The following TERB1 variants were observed in gnomAD, a reference collection of about 807,000 sequenced individuals.
TERB1 encodes the protein telomere repeats-binding bouquet formation protein 1.
Under a neutral mutation model 92.3 loss-of-function variants are expected in TERB1, and 63 were observed. That is an observed-to-expected ratio of 0.68 (90% CI 0.56 to 0.84). The LOEUF is 0.84. TERB1 is among the 40% of genes least tolerant of loss of function. The pLI is 0.00. For synonymous variants in TERB1, 252 were observed against 283.9 expected (o/e 0.89, Z 1.13); for missense variants, 709 against 843.7 (o/e 0.84, Z 1.98).
intron 9 of TERB1, among the ~76,000 whole-genome samples, 186 bp from the exon 10 acceptor site, chr16:66,779,201 A>G (rs2018596825): frequency 6.6e-6 from 1 of 152,230 alleles, no homozygotes; most frequent in Non-Finnish European, 1.5e-5. Context: ...CTTATTATGT[A>G]TCTTACTTTG....
At chr16:66,791,329 G>A (rs1271826808) in intron 3 of TERB1, among the ~76,000 whole-genome samples, 1 of 151,840 alleles carries the variant, frequency 6.6e-6, no homozygotes, top group Non-Finnish European at 1.5e-5. Context: ...AAAAAAAGTG[G>A]ATAAAAATGA....
chr16:66,779,054 C>T (rs972951192), intron 9 of TERB1, 39 bp from the exon 10 acceptor site: 1 of 1,379,768 alleles, frequency 7.2e-7, no homozygotes, highest in African/African-American at 1.4e-5. Flanking sequence ...ATATTTCAAA[C>T]AAGACAGCTG....
At chr16:66,760,560 G>A (rs2018222725) in intron 16 of TERB1, among the ~76,000 whole-genome samples, 1 of 126,204 alleles carries the variant, frequency 7.9e-6, no homozygotes, top group Non-Finnish European at 1.6e-5. Flanking sequence ...GGCTGAGGCG[G>A]GCTGATCACA....
chr16:66,771,436 C>G (rs1206448418), intron 13 of TERB1, among the ~76,000 whole-genome samples: 1 of 152,080 alleles, frequency 6.6e-6, no homozygotes, highest in Non-Finnish European at 1.5e-5. Context: ...CTATTATTTT[C>G]TCCATTTATC....
intron 11 of TERB1, among the ~76,000 whole-genome samples, chr16:66,776,159 G>A (rs1044039693): frequency 4.0e-5 from 6 of 151,728 alleles, no homozygotes; most frequent in East Asian, 3.9e-4. Flanking sequence ...GAGAAACCCC[G>A]TCTCTACTAA....
rs1384046106 is a variant in TERB1 at position 66,786,234 on chromosome 16, C to T, written c.452G>A (p.Arg151Gln). The T allele has an allele frequency of 5.2e-6, 8 of 1,548,956 alleles. No individual in the cohort carries two copies. The highest frequency in any genetic ancestry group is 3.9e-5 in the Admixed American group (2 of 50,804). Residue 151 changes from arginine to glutamine, a missense_variant, in exon 7 of 19, where the codon CGG (arginine) becomes CAG (glutamine). By Grantham distance (43) the Arg-to-Gln change is conservative. Coordinates refer to ENST00000433154, the MANE Select transcript of TERB1 (RefSeq NM_001136505.2). ...ATTTGTATTTGTTTACCTGAATAAC[C>T]GTGACAGAACTGTAATACAACCTGT... ...RETGCITVLS[R>Q]LFRTVISKHE...
intron 16 of TERB1, 55 bp from the exon 17 acceptor site, chr16:66,759,345 AATCT>A (rs2018191320): frequency 7.5e-7 from 1 of 1,338,800 alleles, no homozygotes. Flanking sequence ...TCTAGTAACA[AATCT>A]ATGATAGCAA....
chr16:66,785,417 G>A (rs2099438473), intron 9 of TERB1, among the ~76,000 whole-genome samples: 1 of 152,076 alleles, frequency 6.6e-6, no homozygotes, highest in South Asian at 2.1e-4. Flanking sequence ...TTGACTCACA[G>A]ATTTTAGTAC....
intron 12 of TERB1, among the ~76,000 whole-genome samples, chr16:66,773,981 G>A (rs1224183706): frequency 1.3e-5 from 2 of 151,976 alleles, no homozygotes; most frequent in Non-Finnish European, 2.9e-5. Context: ...CCTGGTTCAA[G>A]TAATTCTTCT....
At chr16:66,790,858 A>G in intron 4 of TERB1, 51 bp downstream of exon 4, 1 of 1,406,010 alleles carries the variant, frequency 7.1e-7, no homozygotes, top group Non-Finnish European at 9.8e-7. Context: ...TTGATATATC[A>G]GAGTACTAAA....
chr16:66,785,532 T>G (rs570908224), intron 9 of TERB1, among the ~76,000 whole-genome samples: 1 of 152,326 alleles, frequency 6.6e-6, no homozygotes, highest in East Asian at 1.9e-4. Context: ...TATGGGTTTT[T>G]AGTCTTGCTA....
upstream of TERB1, among the ~76,000 whole-genome samples, chr16:66,801,828 CTG>C (rs1375888477): frequency 1.3e-5 from 2 of 152,252 alleles, no homozygotes; most frequent in African/African-American, 4.8e-5. Context: ...AATTAGGGGA[CTG>C]TGCACGCGGT....
At chr16:66,761,778 G>A (rs2145070994) in intron 16 of TERB1, among the ~76,000 whole-genome samples, 1 of 148,142 alleles carries the variant, frequency 6.8e-6, no homozygotes, top group Non-Finnish European at 1.5e-5. Flanking sequence ...GTCTCAAAAA[G>A]AAAAGACAGC....
In TERB1 at chr16:66,779,394, C is replaced by T. The variant is rs181404137; in HGVS notation, c.701-379G>A. 4.6e-5 allele frequency among the ~76,000 whole-genome samples: 7 copies of T among 152,206 alleles called. No homozygotes were observed. The East Asian group carries it at 1.4e-3, about 29-fold the overall frequency. On this transcript the variant is annotated intron_variant, in intron 9 of 18. Transcript: ENST00000433154. ...AGGCAGATTGCTTGAGTCAGGAGTT[C>T]AAGACCAGCCTGGCCAACATGCTGA...
intron 3 of TERB1, among the ~76,000 whole-genome samples, chr16:66,795,140 T>C (rs1336334623): frequency 6.6e-6 from 1 of 152,166 alleles, no homozygotes; most frequent in Admixed American, 6.5e-5. Context: ...CAATCTAAAG[T>C]GTGGAATGGA....
In TERB1 at chr16:66,779,020, A is replaced by C. The variant is rs540791662; in HGVS notation, c.701-5T>G. ...CGAAGTATTTCTGAACATATGCTTA[A>C]AGAATAAAGTAGCAAAACTATTAAT... On this transcript the variant is annotated splice_region_variant and splice_polypyrimidine_tract_variant and intron_variant, in intron 9 of 18. Transcript: ENST00000433154. 6.8e-7 allele frequency: 1 copy of C among 1,479,760 alleles called. No homozygotes were observed. The allele number at this position is 1,479,760 out of a possible 1,614,324, so 91.7% of individuals were successfully genotyped here. A position where few individuals can be genotyped will look rare whatever the true frequency, so the allele number is the denominator to read the frequency against.
chr16:66,777,441 T>C, intron 10 of TERB1, 107 bp from the exon 11 acceptor site: 2 of 597,304 alleles, frequency 3.3e-6, no homozygotes, highest in Non-Finnish European at 5.4e-6. Flanking sequence ...TATATATCTA[T>C]ATAAAATTAA....
At chr16:66,761,312 C>T (rs1347430159) in intron 16 of TERB1, among the ~76,000 whole-genome samples, 1 of 150,576 alleles carries the variant, frequency 6.6e-6, no homozygotes, top group Non-Finnish European at 1.5e-5. Context: ...AGTAGCCGTG[C>T]ATGACGGCAG....
At chr16:66,760,356 G>A (rs2018215643) in intron 16 of TERB1, among the ~76,000 whole-genome samples, 1 of 143,170 alleles carries the variant, frequency 7.0e-6, no homozygotes, top group Non-Finnish European at 1.5e-5. Flanking sequence ...CTACTTGGGA[G>A]GCTGAGGCAG....
Sources: gnomAD v4.1 joint callset for allele counts (sites outside exome capture counted in the v4.1 genomes callset) on GRCh38, gnomAD v4.1.1 for gene constraint, MANE v1.5 for transcripts, NCBI Gene and HGNC (gene_info 2026-07-23, HGNC 2026-07-21) for gene names.